Variants in CTBP2 observed in about 807,000 individuals in gnomAD.
The protein encoded by CTBP2 is C-terminal-binding protein 2.
In CTBP2, 30 loss-of-function variants were observed where a neutral mutation model predicts 80.3. The ratio of observed to expected loss-of-function variants is 0.37; its 90% CI spans 0.28 to 0.51. The LOEUF (loss-of-function observed/expected upper bound fraction) is 0.51. Ranked by LOEUF, CTBP2 falls within the 20% of genes least tolerant of loss-of-function variation. CTBP2 has a pLI of 0.93. For synonymous variants in CTBP2, 594 were observed against 587.4 expected, an observed-to-expected ratio of 1.01 and a Z score of -0.16; for missense variants, 1,212 against 1,375.3, an observed-to-expected ratio of 0.88 and a Z score of 1.88.
chr10:125,072,603 G>A (rs1845654732), intron 2 of CTBP2, among the ~76,000 whole-genome samples: 3 of 130,170 alleles, frequency 2.3e-5, no homozygotes, highest in African/African-American at 5.7e-5. Flanking sequence ...ACAACAGAGT[G>A]CAGAGTGAGA....
At position 124,988,898 on chromosome 10, in the gene CTBP2, T is replaced by G. The variant is rs1419343547; in HGVS notation, c.*620A>C. ...AACTTAATACTTTTTTTTTTTTTTT[T>G]GCATCATCAGAGGGTTTTACTGAAC... is the stretch of plus-strand genomic sequence containing the variant. On this transcript the variant is annotated 3_prime_UTR_variant, in exon 9 of 9. Coordinates refer to ENST00000309035, the MANE Select transcript of CTBP2 (RefSeq NM_022802.3). 1 of 121,802 alleles carries G rather than the reference T, an allele frequency of 8.2e-6. No homozygotes were observed. 7.5% of individuals were successfully genotyped at this position (121,802 alleles called of 1,614,324 possible). A position where few individuals can be genotyped will look rare whatever the true frequency, so the allele number is the denominator to read the frequency against.
In CTBP2 at chr10:125,027,917, T is replaced by C; in HGVS notation, c.-158A>G. Reference sequence around the variant, plus strand: ...CTGTTTCAAAGCATGGCCTGAATTATTAATCCTCCGAAACCTTAGCAGACA... The same window carrying C: ...CTGTTTCAAAGCATGGCCTGAATTACTAATCCTCCGAAACCTTAGCAGACA... On this transcript the variant is annotated 5_prime_UTR_variant, in exon 1 of 9. Transcript: ENST00000309035. 7.0e-7 allele frequency: 1 copy of C among 1,425,058 alleles called. No homozygotes were observed. The highest frequency in any genetic ancestry group is 9.1e-7 in the Non-Finnish European group (1 of 1,094,372). The allele number at this position is 1,425,058 out of a possible 1,614,324, so 88.3% of individuals were successfully genotyped here. A position where few individuals can be genotyped will look rare whatever the true frequency, so the allele number is the denominator to read the frequency against.
At position 124,987,418 on chromosome 10, in the gene CTBP2, C is replaced by G. The variant is rs1400697379; in HGVS notation, c.*2100G>C. 1 of 151,790 alleles carries G rather than the reference C, an allele frequency of 6.6e-6. No homozygotes were observed. Among genetic ancestry groups the G allele is most frequent in the Non-Finnish European group, 1.5e-5 (1 of 67,962 alleles). 9.4% of individuals were successfully genotyped at this position (151,790 alleles called of 1,614,324 possible). A position where few individuals can be genotyped will look rare whatever the true frequency, so the allele number is the denominator to read the frequency against. ...CGACCAAGATCTAATAATTAAAACCCAGGTGGACCATGGATTCAGACCTGC... is the reference window on the plus strand; with the variant it reads ...CGACCAAGATCTAATAATTAAAACCGAGGTGGACCATGGATTCAGACCTGC... On this transcript the variant is annotated 3_prime_UTR_variant, in exon 9 of 9. Transcript: ENST00000309035.
intron 1 of CTBP2, among the ~76,000 whole-genome samples, chr10:125,013,697 A>T (rs567262725): frequency 6.6e-6 from 1 of 152,156 alleles, no homozygotes; most frequent in African/African-American, 2.4e-5. Flanking sequence ...GGCGGGGGGA[A>T]CTTGCCCGGG....
Position 125,078,274 on chromosome 10 carries a change from C to T in CTBP2, c.-102+32716G>A, listed in dbSNP as rs549722877. ...CAGCCTGGGCGACAGAGCGAGACTC[C>T]GTCTCAAAAAAAAAAAAAAAAAAAA... On this transcript the variant is annotated intron_variant, in intron 2 of 10. Coordinates refer to the CTBP2 transcript ENST00000337195. Among the ~76,000 whole-genome samples, 42 of 123,074 alleles carry T rather than the reference C, an allele frequency of 3.4e-4. No individual in the cohort carries two copies. In the East Asian group the frequency reaches 5.9e-3, roughly 17 times the overall value. The allele number at this position is 123,074 out of a possible 152,430, so 80.7% of individuals were successfully genotyped here.
At chr10:125,131,631 A>G (rs1302856769) in intron 1 of CTBP2, among the ~76,000 whole-genome samples, 1 of 152,220 alleles carries the variant, frequency 6.6e-6, no homozygotes, top group Admixed American at 6.5e-5. Flanking sequence ...CTGCTTTAAC[A>G]AACAAGCCTA....
chr10:125,153,297 G>C (rs1216092225), intron 1 of CTBP2, among the ~76,000 whole-genome samples: 1 of 152,218 alleles, frequency 6.6e-6, no homozygotes, highest in Non-Finnish European at 1.5e-5. Flanking sequence ...GGGCAGGCCT[G>C]GGAGCTGGCT....
chr10:125,147,819 C>T (rs1428803888), intron 1 of CTBP2, among the ~76,000 whole-genome samples: 5 of 152,084 alleles, frequency 3.3e-5, no homozygotes, highest in African/African-American at 1.2e-4. Flanking sequence ...ATTGCTTGAA[C>T]CCGGGAGGTC....
intron 1 of CTBP2, among the ~76,000 whole-genome samples, chr10:125,128,258 A>G (rs900158783): frequency 2.0e-5 from 3 of 152,212 alleles, no homozygotes; most frequent in Admixed American, 2.0e-4. Flanking sequence ...TCTGTCAGTC[A>G]TGAATGCAAA....
At chr10:125,033,728 C>A (rs1008948176) in intron 3 of CTBP2, among the ~76,000 whole-genome samples, 6 of 152,104 alleles carry the variant, frequency 3.9e-5, no homozygotes, top group Admixed American at 6.5e-5. Context: ...CCCCTCAAGG[C>A]ACTGACTTGG....
intron 1 of CTBP2, among the ~76,000 whole-genome samples, chr10:125,127,309 G>C (rs1855444559): frequency 6.6e-6 from 1 of 152,148 alleles, no homozygotes; most frequent in African/African-American, 2.4e-5. Context: ...ATCCTGCCCT[G>C]ATCTCATGTC....
At chr10:125,136,048 G>A (rs1184790374) in intron 1 of CTBP2, among the ~76,000 whole-genome samples, 1 of 152,204 alleles carries the variant, frequency 6.6e-6, no homozygotes, top group East Asian at 1.9e-4. Flanking sequence ...AGTCACCTGG[G>A]AACTTTTTAT....
intron 8 of CTBP2, among the ~76,000 whole-genome samples, chr10:124,991,131 G>A (rs1051015643): frequency 1.3e-5 from 2 of 152,234 alleles, no homozygotes; most frequent in Non-Finnish European, 2.9e-5. Flanking sequence ...TGCTGTGTGA[G>A]GACACACTGC....
At chr10:125,137,142 G>A (rs1387387268) in intron 1 of CTBP2, among the ~76,000 whole-genome samples, 3 of 152,230 alleles carry the variant, frequency 2.0e-5, no homozygotes, top group Non-Finnish European at 4.4e-5. Flanking sequence ...AATTCGCCAA[G>A]ATACTGAAAG....
chr10:125,152,896 A>C (rs1055983749), intron 1 of CTBP2, among the ~76,000 whole-genome samples: 1 of 147,182 alleles, frequency 6.8e-6, no homozygotes, highest in East Asian at 2.0e-4. Flanking sequence ...GTCTGGAGAA[A>C]GGGAAAAAAC....
chr10:125,012,055 G>A (rs1446226101), intron 1 of CTBP2, among the ~76,000 whole-genome samples: 1 of 152,238 alleles, frequency 6.6e-6, no homozygotes, highest in Non-Finnish European at 1.5e-5. Context: ...GACTCACTGG[G>A]CCTGAAAGAT....
At chr10:125,088,761 G>A (rs147154544) in intron 2 of CTBP2, among the ~76,000 whole-genome samples, 12 of 152,110 alleles carry the variant, frequency 7.9e-5, no homozygotes, top group African/African-American at 2.2e-4. Context: ...AAAAGAGGGC[G>A]AAGATCACAC....
intron 2 of CTBP2, among the ~76,000 whole-genome samples, chr10:125,043,060 G>C (rs910282412): frequency 8.5e-5 from 13 of 152,338 alleles, no homozygotes; most frequent in African/African-American, 3.1e-4. Flanking sequence ...GATGAACAAG[G>C]CTTGGAAAAG....
chr10:125,139,610 A>C (rs2133244454), intron 1 of CTBP2, among the ~76,000 whole-genome samples: 1 of 152,190 alleles, frequency 6.6e-6, no homozygotes, highest in Non-Finnish European at 1.5e-5. Flanking sequence ...GGGCCTGGGC[A>C]TGTAATAGCA....
Sources: gnomAD v4.1 joint callset for allele counts (sites outside exome capture counted in the v4.1 genomes callset) on GRCh38, gnomAD v4.1.1 for gene constraint, MANE v1.5 for transcripts, NCBI Gene and HGNC (gene_info 2026-07-23, HGNC 2026-07-21) for gene names.